PLA2G4B: variants seen among roughly 807,000 people sequenced by gnomAD.
The protein encoded by PLA2G4B is cytosolic phospholipase A2 beta.
A neutral mutation model predicts 95.8 loss-of-function variants in PLA2G4B; 122 were observed. The observed-to-expected ratio is 1.27, with a 90% CI of 1.10 to 1.48. The LOEUF (loss-of-function observed/expected upper bound fraction) is 1.48, where lower values mean the gene tolerates loss of function less well. Ranked by LOEUF, PLA2G4B falls within the 40% of genes most tolerant of loss-of-function variation. The probability of loss-of-function intolerance (pLI) is 0.00; values close to 1 mark genes in which losing one functional copy is unlikely to be tolerated. For synonymous variants in PLA2G4B, 518 were observed against 421.5 expected, an observed-to-expected ratio of 1.23 and a Z score of -2.80; for missense variants, 1,158 against 996.2, an observed-to-expected ratio of 1.16 and a Z score of -2.19.
Position 41,846,269 on chromosome 15 carries a change from T to C in PLA2G4B, c.1667T>C (p.Phe556Ser). Residue 556 changes from phenylalanine (F) to serine (S), a missense_variant, in exon 17 of 20, where the codon TTT becomes TCT. Physicochemically the swap from Phe to Ser is radical, Grantham distance 155 (BLOSUM62 -2). Transcript: ENST00000458483. The stretch of plus-strand genomic sequence containing the variant: ...TCAACAGCCGGCAGGATAGCTGAGT[T>C]TTTCACCGATCTTCTGACGTGGCGT... The part of the protein sequence containing the change: ...PPSTAGRIAE[F>S]FTDLLTWRPL... 1 of 1,613,962 alleles carries C rather than the reference T, an allele frequency of 6.2e-7. No individual in the cohort carries two copies. The highest frequency in any genetic ancestry group is 8.5e-7 in the Non-Finnish European group (1 of 1,179,926).
At chr15:41,846,514 T>C (rs2065549917) in intron 17 of PLA2G4B, 132 bp downstream of exon 17, 1 of 1,504,084 alleles carries the variant, frequency 6.6e-7, no homozygotes, top group Admixed American at 2.1e-5. Context: ...CAGGGGTCTT[T>C]TTCTCCTTGT....
At position 41,845,631 on chromosome 15, in the gene PLA2G4B, C is replaced by A. The variant is rs377281855; in HGVS notation, c.1358-7C>A. ...CACCATGAGGCTGAGGCGTGGACTC[C>A]TCACAGAGTGGTGCGAGTTCTCTCC... On this transcript the variant is annotated splice_region_variant and splice_polypyrimidine_tract_variant and intron_variant, in intron 14 of 19. Coordinates refer to ENST00000458483, the MANE Select transcript of PLA2G4B (RefSeq NM_001114633.2). The A allele has an allele frequency of 6.2e-7, 1 of 1,613,986 alleles. No homozygotes were observed. The highest frequency in any genetic ancestry group is 8.5e-7 in the Non-Finnish European group (1 of 1,180,000).
chr15:41,846,721 G>C lies in PLA2G4B; in HGVS notation c.1833G>C (p.Leu611=). 1 of 1,613,952 alleles carries C rather than the reference G, an allele frequency of 6.2e-7. No individual in the cohort carries two copies. Among genetic ancestry groups the C allele is most frequent in the Non-Finnish European group, 8.5e-7 (1 of 1,179,914 alleles). Residue 611 remains leucine, a synonymous_variant, in exon 18 of 20, where the codon CTG becomes CTC. Coordinates refer to ENST00000458483, the MANE Select transcript of PLA2G4B (RefSeq NM_001114633.2). ...AGCTGACACCCTCGGAGCCCCACCT[G>C]TGCCTGCTGGATGTTGGCTACCTCA... ...PNQLTPSEPH[L]CLLDVGYLIN...
rs187375344 is a variant in PLA2G4B at position 41,841,523 on chromosome 15, G to A, written c.442G>A (p.Glu148Lys). The A allele has an allele frequency of 5.0e-6, 8 of 1,614,062 alleles. No homozygotes were observed. Among genetic ancestry groups the A allele is most frequent in the Non-Finnish European group, 6.8e-6 (8 of 1,180,002 alleles). ...GGCTGTCTTCATGACTCAGGCCCGG[G>A]AGCTCTCCTGCTTGCACGTTCAACT... ...LVSNGVLVARELSCLHVQLEE... is the reference protein window; with the variant it reads ...LVSNGVLVARKLSCLHVQLEE... Residue 148 changes from glutamate (E) to lysine (K), a missense_variant, in exon 7 of 20, where the codon GAG becomes AAG. Physicochemically the swap from Glu to Lys is moderately conservative, Grantham distance 56 (BLOSUM62 1). Coordinates refer to ENST00000458483, the MANE Select transcript of PLA2G4B (RefSeq NM_001114633.2).
chr15:41,846,683 G>A lies in PLA2G4B; in HGVS notation c.1795G>A (p.Gly599Arg), dbSNP rs759955852. The change falls in exon 18 of 20, where the codon GGG becomes AGG. Residue 599 changes from glycine (G) to arginine (R), a missense_variant. Physicochemically the swap from Gly to Arg is moderately radical, Grantham distance 125. Transcript: ENST00000458483. ...CAACCTTCCAGCTACCACTCTGGAT[G>A]GGCTCCCCAACCAGCTGACACCCTC... is the stretch of plus-strand genomic sequence containing the variant. ...FSTWKATTLD[G>R]LPNQLTPSEP... 6.2e-7 allele frequency: 1 copy of A among 1,610,796 alleles called. No homozygotes were observed. The highest frequency in any genetic ancestry group is 8.5e-7 in the Non-Finnish European group (1 of 1,177,746).
intron 12 of PLA2G4B, 34 bp downstream of exon 12, chr15:41,844,641 G>A: frequency 6.2e-7 from 1 of 1,613,226 alleles, no homozygotes; most frequent in East Asian, 2.2e-5. Context: ...TGGACCCTGT[G>A]TGGCAGGGGG....
At chr15:41,841,696 G>T in intron 7 of PLA2G4B, 123 bp from the exon 8 acceptor site, 1 of 1,562,856 alleles carries the variant, frequency 6.4e-7, no homozygotes, top group South Asian at 1.2e-5. Flanking sequence ...CTGTGGTGGG[G>T]GATCCATCTC....
At position 41,845,623 on chromosome 15, in the gene PLA2G4B, G is replaced by A. The variant is rs41277692; in HGVS notation, c.1358-15G>A. 158,126 of 1,613,920 alleles carry A rather than the reference G, an allele frequency of 0.098. 9,057 individuals are homozygous for A. Among genetic ancestry groups the A allele is most frequent in the Non-Finnish European group, 0.11 (134,195 of 1,179,914 alleles). On this transcript the variant is annotated splice_polypyrimidine_tract_variant and intron_variant, in intron 14 of 19. Transcript: ENST00000458483. ...GGGCTCTGCACCATGAGGCTGAGGCGTGGACTCCTCACAGAGTGGTGCGAG... is the reference window on the plus strand; with the variant it reads ...GGGCTCTGCACCATGAGGCTGAGGCATGGACTCCTCACAGAGTGGTGCGAG...
Position 41,841,249 on chromosome 15 carries a change from G to C in PLA2G4B, c.411G>C (p.Trp137Cys). The C allele has an allele frequency of 6.2e-7, 1 of 1,613,532 alleles. No homozygotes were observed. Among genetic ancestry groups the C allele is most frequent in the Non-Finnish European group, 8.5e-7 (1 of 1,180,010 alleles). Residue 137 changes from tryptophan (W) to cysteine (C), a missense_variant, in exon 6 of 20, where the codon TGG (tryptophan) becomes TGC (cysteine). By Grantham distance (215) the Trp-to-Cys change is radical. Transcript: ENST00000458483. ...TTTCCAGGGCTGACCGTGGCGAGTG[G>C]CTCGTCAGCAATGGCGTTCTGGTGG... is the stretch of plus-strand genomic sequence containing the variant. ...RLQSLADRGE[W>C]LVSNGVLVAR...
intron 11 of PLA2G4B, 32 bp downstream of exon 11, chr15:41,843,843 G>T: frequency 6.2e-7 from 1 of 1,608,128 alleles, no homozygotes; most frequent in Non-Finnish European, 8.5e-7. Context: ...GGGTGTCCCC[G>T]GGCTTGCTTG....
In PLA2G4B at chr15:41,848,130, CAG is replaced by C; in HGVS notation, c.*272_*273del. 3 of 571,570 alleles carry C rather than the reference CAG, an allele frequency of 5.2e-6. No individual in the cohort carries two copies. Among genetic ancestry groups the C allele is most frequent in the East Asian group, 3.0e-5 (1 of 33,764 alleles). 35.4% of individuals were successfully genotyped at this position (571,570 alleles called of 1,614,324 possible). On this transcript the variant is annotated 3_prime_UTR_variant, in exon 20 of 20. Coordinates refer to ENST00000458483, the MANE Select transcript of PLA2G4B (RefSeq NM_001114633.2). ...AGTAGTTGGAGCACTTGATACATCA[CAG>C]ACTCATACAAATGTGAGGCGCTGAG...
chr15:41,839,863 C>T (rs539020792), intron 1 of PLA2G4B: 1 of 361,490 alleles, frequency 2.8e-6, no homozygotes, highest in African/African-American at 2.1e-5. Flanking sequence ...GCCTCAGTTT[C>T]CTTGTGGAGT....
At position 41,844,493 on chromosome 15, in the gene PLA2G4B, C is replaced by G; in HGVS notation, c.902C>G (p.Ala301Gly). 1 of 1,614,186 alleles carries G rather than the reference C, an allele frequency of 6.2e-7. No homozygotes were observed. Among genetic ancestry groups the G allele is most frequent in the Middle Eastern group, 1.6e-4 (1 of 6,062 alleles). The change falls in exon 12 of 20, where the codon GCC becomes GGC. Residue 301 changes from alanine (A) to glycine (G), a missense_variant. By Grantham distance (60) the Ala-to-Gly change is moderately conservative. Coordinates refer to ENST00000458483, the MANE Select transcript of PLA2G4B (RefSeq NM_001114633.2). ...CAGATCCCAGTGGTAGCTATTATGG[C>G]CACTGGTGGTGGGATCCGGGCAATG... is the stretch of plus-strand genomic sequence containing the variant. ...EDEIPVVAIM[A>G]TGGGIRAMTS...
Position 41,839,797 on chromosome 15 carries a change from G to C in PLA2G4B, c.10-361G>C, listed in dbSNP as rs531654916. ...TGTGTGAGGCATAAATCTGGAGCCA[G>C]CCTGCCCGGGCTCCAACCCCAATTG... On this transcript the variant is annotated intron_variant, in intron 1 of 19. Coordinates refer to ENST00000458483, the MANE Select transcript of PLA2G4B (RefSeq NM_001114633.2). 15 of 245,870 alleles carry C rather than the reference G, an allele frequency of 6.1e-5. No homozygotes were observed. In the South Asian group the frequency reaches 9.7e-4, roughly 16 times the overall value. The allele number at this position is 245,870 out of a possible 1,614,324, so 15.2% of individuals were successfully genotyped here.
chr15:41,842,144 G>A, intron 8 of PLA2G4B, 49 bp from the exon 9 acceptor site: 2 of 1,608,048 alleles, frequency 1.2e-6, no homozygotes, highest in Non-Finnish European at 1.7e-6. Context: ...GTCTTTGCTA[G>A]GAGTGGAAGC....
rs201289979 is a variant in PLA2G4B, at chr15:41,841,239, G to A, written c.401G>A (p.Arg134His). ...CTGGGGGCTCTTTCCAGGGCTGACC[G>A]TGGCGAGTGGCTCGTCAGCAATGGC... is the stretch of plus-strand genomic sequence containing the variant. The part of the protein sequence containing the change: ...VEFRLQSLAD[R>H]GEWLVSNGVL... The change falls in exon 6 of 20, where the codon CGT becomes CAT. Residue 134 changes from arginine to histidine, a missense_variant. Transcript: ENST00000458483. 3.8e-5 allele frequency: 61 copies of A among 1,613,828 alleles called. 1 individual carries two copies. In the East Asian group the frequency reaches 4.0e-4, roughly 11 times the overall value.
Position 41,842,271 on chromosome 15 carries a change from T to A in PLA2G4B, c.700T>A (p.Ser234Thr). Residue 234 changes from serine to threonine, a missense_variant, in exon 9 of 20, where the codon TCC (serine) becomes ACC (threonine). Coordinates refer to ENST00000458483, the MANE Select transcript of PLA2G4B (RefSeq NM_001114633.2). The stretch of plus-strand genomic sequence containing the variant: ...AGTGGTGAGGCTTGTCTTCCCCACG[T>A]CCCAGGTACTGGCCTCCCAGGGAAG... ...GQVVRLVFPT[S>T]QEPLMRVELK... 6.2e-7 allele frequency: 1 copy of A among 1,613,964 alleles called. No homozygotes were observed. The highest frequency in any genetic ancestry group is 1.1e-5 in the South Asian group (1 of 91,078).
At chr15:41,844,112 G>C (rs1277903345) in intron 11 of PLA2G4B, among the ~76,000 whole-genome samples, 2 of 152,204 alleles carry the variant, frequency 1.3e-5, no homozygotes, top group Non-Finnish European at 2.9e-5. Context: ...GGCCCAGGGT[G>C]CTTCAGGAGG....
intron 9 of PLA2G4B, 91 bp from the exon 10 acceptor site, chr15:41,842,463 G>A (rs1347380490): frequency 1.3e-6 from 2 of 1,550,472 alleles, no homozygotes; most frequent in East Asian, 4.7e-5. Flanking sequence ...CGGTGGCGGG[G>A]CGGGGGTGGT....
Sources: allele counts gnomAD v4.1 joint callset (sites outside exome capture counted in the v4.1 genomes callset), GRCh38; gene constraint gnomAD v4.1.1; transcripts MANE v1.5; gene names NCBI Gene and HGNC (gene_info 2026-07-23, HGNC 2026-07-21).